CLCN3: variants seen among roughly 807,000 people sequenced by gnomAD.
The protein encoded by CLCN3 is H(+)/Cl(-) exchange transporter 3.
Under a neutral mutation model 83.4 loss-of-function variants are expected in CLCN3, and 16 were observed. That is an observed-to-expected ratio of 0.19 (90% CI 0.13 to 0.29). CLCN3 has a LOEUF of 0.29. Ranked by LOEUF, CLCN3 falls within the 10% of genes least tolerant of loss-of-function variation. CLCN3 has a pLI of 1.00. For synonymous variants in CLCN3, 322 were observed against 346.2 expected, an observed-to-expected ratio of 0.93 and a Z score of 0.78; for missense variants, 544 against 1,006.0, an observed-to-expected ratio of 0.54 and a Z score of 6.21.
chr4:169,710,391 A>G (rs1384404403), intron 11 of CLCN3, among the ~76,000 whole-genome samples: 1 of 151,996 alleles, frequency 6.6e-6, no homozygotes, highest in Non-Finnish European at 1.5e-5. Flanking sequence ...TCACTCTCCT[A>G]ATTAGCTAGG....
chr4:169,683,837 A>G (rs888827550), intron 3 of CLCN3, among the ~76,000 whole-genome samples: 9 of 151,406 alleles, frequency 5.9e-5, no homozygotes, highest in East Asian at 1.9e-4. Flanking sequence ...TCTGCCTTCC[A>G]GGCTCAAGCA....
intron 11 of CLCN3, among the ~76,000 whole-genome samples, chr4:169,711,581 C>T (rs952974278): frequency 6.6e-6 from 1 of 152,152 alleles, no homozygotes; most frequent in Non-Finnish European, 1.5e-5. Context: ...AACTCCTGAC[C>T]TCAGTTGATC....
intron 1 of CLCN3, among the ~76,000 whole-genome samples, chr4:169,630,593 C>T (rs769708029): frequency 1.3e-5 from 2 of 151,966 alleles, no homozygotes; most frequent in African/African-American, 4.8e-5. Context: ...TGCAGTGGCA[C>T]GATCTTGGCT....
At chr4:169,657,146 A>G (rs896110005) in intron 2 of CLCN3, among the ~76,000 whole-genome samples, 2 of 152,224 alleles carry the variant, frequency 1.3e-5, no homozygotes, top group African/African-American at 4.8e-5. Flanking sequence ...GTAGGTAGAT[A>G]TACATGTATA....
intron 3 of CLCN3, among the ~76,000 whole-genome samples, chr4:169,685,965 G>A (rs1176244432): frequency 2.0e-5 from 3 of 152,062 alleles, no homozygotes; most frequent in East Asian, 3.9e-4. Flanking sequence ...TTTTAGTGGG[G>A]CGTTGTGACT....
In CLCN3 at chr4:169,661,120, C is replaced by G. The variant is rs1731042642; in HGVS notation, c.161-18930C>G. 2.0e-5 allele frequency among the ~76,000 whole-genome samples: 3 copies of G among 152,144 alleles called. No homozygotes were observed. In the South Asian group the frequency reaches 6.2e-4, roughly 32 times the overall value. On this transcript the variant is annotated intron_variant, in intron 2 of 12. Coordinates refer to ENST00000513761, the MANE Select transcript of CLCN3 (RefSeq NM_001829.4). ...GAAAAGCAGAAGAGCACCCAGCATG[C>G]CTGTAAATCTTTTGGCAGGCACTTC...
chr4:169,675,761 C>T (rs1475366166), intron 2 of CLCN3, among the ~76,000 whole-genome samples: 4 of 152,092 alleles, frequency 2.6e-5, no homozygotes, highest in South Asian at 4.1e-4. Context: ...TAAGCTGTAG[C>T]ATATATCATG....
chr4:169,701,534 G>A (rs1011634288), intron 9 of CLCN3, among the ~76,000 whole-genome samples: 16 of 152,126 alleles, frequency 1.1e-4, no homozygotes, highest in Admixed American at 2.0e-4. Context: ...TATTTTGCCC[G>A]GATCAATCAG....
At chr4:169,623,302 C>T (rs903836929) in intron 1 of CLCN3, among the ~76,000 whole-genome samples, 6 of 152,032 alleles carry the variant, frequency 3.9e-5, no homozygotes, top group Non-Finnish European at 8.8e-5. Flanking sequence ...TGTGTTTATT[C>T]CGTTGTCCTC....
intron 2 of CLCN3, among the ~76,000 whole-genome samples, chr4:169,666,183 C>A (rs1282223640): frequency 6.6e-6 from 1 of 151,908 alleles, no homozygotes; most frequent in East Asian, 1.9e-4. Context: ...ATTAAAAAAA[C>A]AAAATAAAAT....
Position 169,697,619 on chromosome 4 carries a change from T to C in CLCN3, c.1448T>C (p.Ile483Thr), listed in dbSNP as rs1292805255. The change falls in exon 9 of 13, where the codon ATT (isoleucine) becomes ACT (threonine). Residue 483 changes from isoleucine (I) to threonine (T), a missense_variant. This residue lies in a region of CLCN3 where 194 missense variants were observed against 341.4 expected (regional missense o/e 0.57). Coordinates refer to ENST00000513761, the MANE Select transcript of CLCN3 (RefSeq NM_001829.4). ...AGAAATGACATGAATGCCAGTAAAA[T>C]TGTCGATGACATTCCTGATCGTCCA... ...DYRNDMNASK[I>T]VDDIPDRPAG... The C allele has an allele frequency of 4.3e-6, 7 of 1,614,154 alleles. No individual in the cohort carries two copies. Among genetic ancestry groups the C allele is most frequent in the Admixed American group, 3.3e-5 (2 of 60,026 alleles).
In CLCN3 at chr4:169,621,038, A is replaced by G; in HGVS notation, c.-42A>G. On this transcript the variant is annotated 5_prime_UTR_variant, in exon 1 of 13. Coordinates refer to ENST00000513761, the MANE Select transcript of CLCN3 (RefSeq NM_001829.4). Reference sequence around the variant, plus strand: ...AAGGCAGCGCAAAAAACAGCCACCGATTTTGCTATGTCTCTGAGCTGCGAG... The same window carrying G: ...AAGGCAGCGCAAAAAACAGCCACCGGTTTTGCTATGTCTCTGAGCTGCGAG... The G allele has an allele frequency of 2.5e-6, 1 of 397,574 alleles. No homozygotes were observed. Among genetic ancestry groups the G allele is most frequent in the African/African-American group, 2.1e-5 (1 of 48,712 alleles). 24.6% of individuals were successfully genotyped at this position (397,574 alleles called of 1,614,324 possible).
At chr4:169,713,348 T>C in intron 12 of CLCN3, 53 bp downstream of exon 12, 4 of 1,394,510 alleles carry the variant, frequency 2.9e-6, no homozygotes, top group Non-Finnish European at 4.1e-6. Context: ...AGGATCCTTT[T>C]TAGTGGAATC....
chr4:169,702,341 A>G (rs1408831891), intron 9 of CLCN3, among the ~76,000 whole-genome samples: 2 of 152,176 alleles, frequency 1.3e-5, no homozygotes, highest in African/African-American at 4.8e-5. Context: ...GTAAAACTTA[A>G]AAGTCAAAAT....
At chr4:169,665,098 T>G (rs901115036) in intron 2 of CLCN3, among the ~76,000 whole-genome samples, 7 of 152,238 alleles carry the variant, frequency 4.6e-5, no homozygotes, top group African/African-American at 1.7e-4. Context: ...TTTATAAACC[T>G]TTTTATTCAT....
At position 169,688,989 on chromosome 4, in the gene CLCN3, C is replaced by T. The variant is rs1732263479; in HGVS notation, c.419-54C>T. ...ACTTGCCTTTTAACTAGATTGTTCTCGACTCCCAAAAAATTGACTTAATTT... is the reference window on the plus strand; with the variant it reads ...ACTTGCCTTTTAACTAGATTGTTCTTGACTCCCAAAAAATTGACTTAATTT... On this transcript the variant is annotated intron_variant, in intron 4 of 12. Coordinates refer to ENST00000513761, the MANE Select transcript of CLCN3 (RefSeq NM_001829.4). 4.0e-5 allele frequency: 61 copies of T among 1,537,376 alleles called. 2 individuals are homozygous for T. In the South Asian group the frequency reaches 5.7e-4, roughly 14 times the overall value.
At position 169,721,259 on chromosome 4, in the gene CLCN3, A is replaced by AT. The variant is rs1181398070; in HGVS notation, c.*1267dup. On this transcript the variant is annotated 3_prime_UTR_variant, in exon 13 of 13. Coordinates refer to ENST00000513761, the MANE Select transcript of CLCN3 (RefSeq NM_001829.4). The stretch of plus-strand genomic sequence containing the variant: ...TAAGTAATTTTACCTTTTTAATGTG[A>AT]TTTTTATAGAATAATTCAGACTTAC... 1 of 152,166 alleles carries AT rather than the reference A, an allele frequency of 6.6e-6. No homozygotes were observed. The highest frequency in any genetic ancestry group is 1.5e-5 in the Non-Finnish European group (1 of 68,034). 9.4% of individuals were successfully genotyped at this position (152,166 alleles called of 1,614,324 possible).
chr4:169,691,467 ATAAAG>A (rs1732370222), intron 6 of CLCN3, among the ~76,000 whole-genome samples: 1 of 152,204 alleles, frequency 6.6e-6, no homozygotes, highest in Admixed American at 6.5e-5. Context: ...TTTCATCACA[ATAAAG>A]TAGAGTTATA....
intron 2 of CLCN3, among the ~76,000 whole-genome samples, chr4:169,648,165 A>C (rs1007580633): frequency 1.3e-5 from 2 of 152,240 alleles, no homozygotes; most frequent in African/African-American, 4.8e-5. Context: ...TGGAATAGAA[A>C]GAGGACACTC....
Sources: gnomAD v4.1 joint callset for allele counts (sites outside exome capture counted in the v4.1 genomes callset) on GRCh38, gnomAD v4.1.1 for gene constraint, gnomAD v4.1.1 regional missense constraint, MANE v1.5 for transcripts, NCBI Gene and HGNC (gene_info 2026-07-23, HGNC 2026-07-21) for gene names.